SMIM43: variants seen among roughly 807,000 people sequenced by gnomAD.
SMIM43 encodes the protein Nodal Enhanced MEsendoderm Peptide.
At position 121,760,377 on chromosome 4, in the gene SMIM43, A is replaced by G. The variant is rs1725990772; in HGVS notation, c.*597T>C. 3 of 1,607,790 alleles carry G rather than the reference A, an allele frequency of 1.9e-6. No homozygotes were observed. Among genetic ancestry groups the G allele is most frequent in the Admixed American group, 3.4e-5 (2 of 58,860 alleles). On this transcript the variant is annotated 3_prime_UTR_variant, in exon 6 of 6. Transcript: ENST00000643802. Reference sequence around the variant, plus strand: ...GCAAAAGTTATTGGGCTGCTGAGGAAGCTCTTTAAAAGGAAGTGGATTTGA... The same window carrying G: ...GCAAAAGTTATTGGGCTGCTGAGGAGGCTCTTTAAAAGGAAGTGGATTTGA...
intron 2 of SMIM43, 25 bp from the exon 3 acceptor site, chr4:121,762,823 C>G (rs1726142058): frequency 6.6e-6 from 1 of 152,196 alleles, no homozygotes; most frequent in African/African-American, 2.4e-5. Flanking sequence ...GGATTGTAAA[C>G]TCAAGAAGGC....
intron 3 of SMIM43, among the ~76,000 whole-genome samples, chr4:121,762,232 G>A (rs1726110812): frequency 6.6e-6 from 1 of 152,154 alleles, no homozygotes; most frequent in Non-Finnish European, 1.5e-5. Context: ...GTAGAAGCCT[G>A]CAACCTAGAC....
At chr4:121,764,041 C>A (rs1726214852) in intron 1 of SMIM43, 169 bp from the exon 2 acceptor site, 1 of 152,322 alleles carries the variant, frequency 6.6e-6, no homozygotes. Flanking sequence ...CACAGACCCG[C>A]CTCTCCGTCC....
rs1725946626 is a variant in SMIM43 at position 121,759,660 on chromosome 4, T to C, written c.*1314A>G. The C allele has an allele frequency of 1.3e-5, 2 of 152,180 alleles. No individual in the cohort carries two copies. Among genetic ancestry groups the C allele is most frequent in the African/African-American group, 4.8e-5 (2 of 41,428 alleles). The allele number at this position is 152,180 out of a possible 1,614,324, so 9.4% of individuals were successfully genotyped here. A position where few individuals can be genotyped will look rare whatever the true frequency, so the allele number is the denominator to read the frequency against. On this transcript the variant is annotated 3_prime_UTR_variant, in exon 6 of 6. Coordinates refer to ENST00000643802, the MANE Select transcript of SMIM43 (RefSeq NM_001384332.1). ...GTGTTTCTTCTTTGCTTAGCTAGGA[T>C]GTAGGCTGCTTATAGAAGCAGCTTT...
rs1041921346 is a variant in SMIM43 at position 121,760,354 on chromosome 4, A to C, written c.*620T>G. 2.2e-5 allele frequency: 35 copies of C among 1,613,856 alleles called. No individual in the cohort carries two copies. Among genetic ancestry groups the C allele is most frequent in the Admixed American group, 3.3e-5 (2 of 59,956 alleles). On this transcript the variant is annotated 3_prime_UTR_variant, in exon 6 of 6. Transcript: ENST00000643802. ...CAGTTCTGGCCAATGAGATGAAGGCAAAAGTTATTGGGCTGCTGAGGAAGC... is the reference window on the plus strand; with the variant it reads ...CAGTTCTGGCCAATGAGATGAAGGCCAAAGTTATTGGGCTGCTGAGGAAGC...
In SMIM43 at chr4:121,760,253, G is replaced by T; in HGVS notation, c.*721C>A. The stretch of plus-strand genomic sequence containing the variant: ...CTTCATCAAGAGAAACTGGATTTTT[G>T]TCAAAGGCAGTTATATATCCAGCTA... On this transcript the variant is annotated 3_prime_UTR_variant, in exon 6 of 6. Coordinates refer to ENST00000643802, the MANE Select transcript of SMIM43 (RefSeq NM_001384332.1). 1.3e-6 allele frequency: 2 copies of T among 1,543,274 alleles called. No homozygotes were observed. Among genetic ancestry groups the T allele is most frequent in the Admixed American group, 2.1e-5 (1 of 47,574 alleles).
chr4:121,763,905 A>C (rs1162041429), intron 1 of SMIM43, 33 bp from the exon 2 acceptor site: 1 of 152,198 alleles, frequency 6.6e-6, no homozygotes, highest in Non-Finnish European at 1.5e-5. Context: ...TCTAGGGAAA[A>C]GCTACTGAAG....
In SMIM43 at chr4:121,761,438, T is replaced by C. The variant is rs1024842946; in HGVS notation, c.*499+100A>G. 4.8e-6 allele frequency: 6 copies of C among 1,251,524 alleles called. No individual in the cohort carries two copies. The African/African-American group carries it at 9.1e-5, about 19-fold the overall frequency. 77.5% of individuals were successfully genotyped at this position (1,251,524 alleles called of 1,614,324 possible). ...TTTACAAACTTTAAAATTTTGGTCA[T>C]TTAAAATTTAACTCTATTGCACTGA... On this transcript the variant is annotated intron_variant, in intron 5 of 5. Coordinates refer to ENST00000643802, the MANE Select transcript of SMIM43 (RefSeq NM_001384332.1).
intron 5 of SMIM43, 86 bp from the exon 6 acceptor site, chr4:121,760,560 C>A: frequency 6.9e-7 from 1 of 1,440,784 alleles, no homozygotes; most frequent in Non-Finnish European, 9.1e-7. Flanking sequence ...CAGCAGCTGC[C>A]TGCCTCTAAC....
chr4:121,765,399 C>T (rs1201505669), upstream of SMIM43: 2 of 237,462 alleles, frequency 8.4e-6, no homozygotes, highest in South Asian at 1.8e-4. Context: ...CGAACTTCCG[C>T]GGGCACGGAC....
rs1726062844 is a variant in SMIM43, at chr4:121,761,542, T to C, written c.*495A>G. The C allele has an allele frequency of 6.3e-7, 1 of 1,596,912 alleles. No homozygotes were observed. Among genetic ancestry groups the C allele is most frequent in the Non-Finnish European group, 8.5e-7 (1 of 1,172,916 alleles). Reference sequence around the variant, plus strand: ...TATTTCATATTTTTTACTCACCTAGTTCCAAGTTTCCACCCCTGCAAGCGA... The same window carrying C: ...TATTTCATATTTTTTACTCACCTAGCTCCAAGTTTCCACCCCTGCAAGCGA... On this transcript the variant is annotated 3_prime_UTR_variant, in exon 5 of 6. Coordinates refer to ENST00000643802, the MANE Select transcript of SMIM43 (RefSeq NM_001384332.1).
Position 121,761,615 on chromosome 4 carries a change from A to G in SMIM43, c.*422T>C, listed in dbSNP as rs775728095. ...TTGCCATTCCCAGAAAAGCCAGTGC[A>G]TGGCACACTCTGGGTAAATTTTCTC... On this transcript the variant is annotated 3_prime_UTR_variant, in exon 5 of 6. Transcript: ENST00000643802. 5.0e-6 allele frequency: 8 copies of G among 1,613,818 alleles called. No individual in the cohort carries two copies. In the Admixed American group the frequency reaches 5.0e-5, roughly 10 times the overall value.
chr4:121,761,552 C>T lies in SMIM43; in HGVS notation c.*485G>A. 6.2e-7 allele frequency: 1 copy of T among 1,605,336 alleles called. No homozygotes were observed. Among genetic ancestry groups the T allele is most frequent in the Non-Finnish European group, 8.5e-7 (1 of 1,176,468 alleles). On this transcript the variant is annotated 3_prime_UTR_variant, in exon 5 of 6. Coordinates refer to ENST00000643802, the MANE Select transcript of SMIM43 (RefSeq NM_001384332.1). The stretch of plus-strand genomic sequence containing the variant: ...TTTTTACTCACCTAGTTCCAAGTTT[C>T]CACCCCTGCAAGCGAACCAAAAACA...
chr4:121,764,898 A>T lies in SMIM43; in HGVS notation c.*16T>A. On this transcript the variant is annotated 3_prime_UTR_variant, in exon 1 of 6. Transcript: ENST00000643802. ...CCGCGCAGCTCGGTGCCCTCCCGCC[A>T]GTGCCCGCACTCGGGTCACACCGCT... 1 of 398,230 alleles carries T rather than the reference A, an allele frequency of 2.5e-6. No homozygotes were observed. The highest frequency in any genetic ancestry group is 1.3e-4 in the South Asian group (1 of 7,832). The allele number at this position is 398,230 out of a possible 1,614,324, so 24.7% of individuals were successfully genotyped here.
intron 1 of SMIM43, 195 bp downstream of exon 1, chr4:121,764,622 T>TC: frequency 6.0e-6 from 2 of 332,310 alleles, no homozygotes; most frequent in Non-Finnish European, 1.1e-5. Flanking sequence ...GGGCGAATTC[T>TC]CTTTTCGCCA....
intron 5 of SMIM43, among the ~76,000 whole-genome samples, chr4:121,760,882 A>AG (rs5861537): frequency 0.89 from 135,165 of 152,072 alleles, 60,270 homozygotes; most frequent in African/African-American, 0.97. Flanking sequence ...TTATATAAAA[A>AG]GCTACTATTA....
intron 5 of SMIM43, among the ~76,000 whole-genome samples, chr4:121,761,077 CAAAAT>C (rs1049478752): frequency 1.4e-5 from 2 of 147,924 alleles, no homozygotes; most frequent in African/African-American, 5.1e-5. Context: ...TTTGTGTAGA[CAAAAT>C]AAAAAGTGGA....
In SMIM43 at chr4:121,759,254, G is replaced by C. The variant is rs1231694561; in HGVS notation, c.*1720C>G. The C allele has an allele frequency of 6.6e-6, 1 of 152,198 alleles. No individual in the cohort carries two copies. Among genetic ancestry groups the C allele is most frequent in the Non-Finnish European group, 1.5e-5 (1 of 68,030 alleles). The allele number at this position is 152,198 out of a possible 1,614,324, so 9.4% of individuals were successfully genotyped here. A position where few individuals can be genotyped will look rare whatever the true frequency, so the allele number is the denominator to read the frequency against. ...AATATGTGCAATATATAGATGTCAAGTTAACATCTTGAATTTAATTCCAAA... is the reference window on the plus strand; with the variant it reads ...AATATGTGCAATATATAGATGTCAACTTAACATCTTGAATTTAATTCCAAA... On this transcript the variant is annotated 3_prime_UTR_variant, in exon 6 of 6. Transcript: ENST00000643802.
Position 121,760,360 on chromosome 4 carries a change from T to C in SMIM43, c.*614A>G. ...TGGCCAATGAGATGAAGGCAAAAGT[T>C]ATTGGGCTGCTGAGGAAGCTCTTTA... On this transcript the variant is annotated 3_prime_UTR_variant, in exon 6 of 6. Coordinates refer to ENST00000643802, the MANE Select transcript of SMIM43 (RefSeq NM_001384332.1). 6.2e-7 allele frequency: 1 copy of C among 1,613,316 alleles called. No homozygotes were observed. Among genetic ancestry groups the C allele is most frequent in the East Asian group, 2.2e-5 (1 of 44,866 alleles).
Sources: gnomAD v4.1 joint callset for allele counts (sites outside exome capture counted in the v4.1 genomes callset) on GRCh38, gnomAD v4.1.1 for gene constraint, MANE v1.5 for transcripts, NCBI Gene and HGNC (gene_info 2026-07-23, HGNC 2026-07-21) for gene names.